The following NIBAN3 variants were observed in gnomAD, a reference collection of about 807,000 sequenced individuals.
The protein encoded by NIBAN3 is protein Niban 3.
Under a neutral mutation model 76.4 loss-of-function variants are expected in NIBAN3, and 66 were observed. The observed-to-expected ratio is 0.86, with a 90% CI of 0.71 to 1.06. NIBAN3 has a LOEUF of 1.06. Among genes scored for constraint, NIBAN3 ranks in the 50% least tolerant of loss-of-function variants. The pLI is 0.00. For synonymous variants in NIBAN3, 360 were observed against 355.2 expected, an observed-to-expected ratio of 1.01 and a Z score of -0.15; for missense variants, 808 against 810.7, an observed-to-expected ratio of 1.00 and a Z score of 0.04.
chr19:17,548,270 G>A (rs185754360), intron 13 of NIBAN3, among the ~76,000 whole-genome samples: 1 of 152,340 alleles, frequency 6.6e-6, no homozygotes, highest in African/African-American at 2.4e-5. Flanking sequence ...CGGGAGGCTG[G>A]AGGCTGCTGG....
chr19:17,543,301 G>A lies in NIBAN3; in HGVS notation c.1330-16G>A. The A allele has an allele frequency of 6.6e-7, 1 of 1,515,344 alleles. No individual in the cohort carries two copies. The allele number at this position is 1,515,344 out of a possible 1,614,324, so 93.9% of individuals were successfully genotyped here. ...GAGCACAGATTCTGGGGTCATCATA[G>A]CATCTCCTCCCACAGCTCATGGCTG... is the stretch of plus-strand genomic sequence containing the variant. On this transcript the variant is annotated splice_polypyrimidine_tract_variant and intron_variant, in intron 10 of 14. Coordinates refer to ENST00000599164, the MANE Select transcript of NIBAN3 (RefSeq NM_001321827.2).
chr19:17,535,838 A>G (rs1293044571), intron 4 of NIBAN3, among the ~76,000 whole-genome samples: 1 of 151,982 alleles, frequency 6.6e-6, no homozygotes, highest in Non-Finnish European at 1.5e-5. Context: ...TAGGAGTTTG[A>G]GGCCACCGTG....
At chr19:17,523,520 A>T, upstream of NIBAN3, 2 of 1,442,442 alleles carry the variant, frequency 1.4e-6, no homozygotes, top group Admixed American at 4.4e-5. Flanking sequence ...TGAGGGCAGG[A>T]GGCCGTGGCC....
Position 17,551,859 on chromosome 19 carries a change from ACT to A in NIBAN3, c.1827_1828del (p.Cys610ProfsTer72). Reference sequence around the variant, plus strand: ...CAGACTCTGGTGCCCAGATCCAGCCACTCTGCCCACCGCCTTCTCCAGGAACA... The same window carrying A: ...CAGACTCTGGTGCCCAGATCCAGCCACTGCCCACCGCCTTCTCCAGGAACA... ...QPDSGAQIQP[L>X]CPPPSPGTFR... On this transcript the variant is annotated frameshift_variant, in exon 15 of 15. Coordinates refer to ENST00000599164, the MANE Select transcript of NIBAN3 (RefSeq NM_001321827.2). LOFTEE classifies it high-confidence loss of function. The A allele has an allele frequency of 2.6e-6, 2 of 779,972 alleles. No individual in the cohort carries two copies. The highest frequency in any genetic ancestry group is 4.8e-6 in the Non-Finnish European group (2 of 417,356). 48.3% of individuals were successfully genotyped at this position (779,972 alleles called of 1,614,324 possible). A position where few individuals can be genotyped will look rare whatever the true frequency, so the allele number is the denominator to read the frequency against.
intron 4 of NIBAN3, among the ~76,000 whole-genome samples, chr19:17,535,480 C>T (rs1049270471): frequency 2.6e-5 from 4 of 151,160 alleles, no homozygotes; most frequent in African/African-American, 9.8e-5. Context: ...AAATAAAAAC[C>T]TGGGTGCGGT....
intron 1 of NIBAN3, among the ~76,000 whole-genome samples, chr19:17,529,825 C>A (rs1281306760): frequency 6.6e-6 from 1 of 152,072 alleles, no homozygotes; most frequent in African/African-American, 2.4e-5. Flanking sequence ...TTTGAGAAAC[C>A]AAGGTGGGAG....
rs761746237 is a variant in NIBAN3 at position 17,553,507 on chromosome 19, C to T, written c.*1609C>T. 1.2e-6 allele frequency: 2 copies of T among 1,614,226 alleles called. No individual in the cohort carries two copies. On this transcript the variant is annotated 3_prime_UTR_variant, in exon 15 of 15. Coordinates refer to ENST00000599164, the MANE Select transcript of NIBAN3 (RefSeq NM_001321827.2). Reference sequence around the variant, plus strand: ...GCTTGCAGAGGGACTTTCACACTCCCTGGAGACCGTTTCCTCCCATTCTGT... The same window carrying T: ...GCTTGCAGAGGGACTTTCACACTCCTTGGAGACCGTTTCCTCCCATTCTGT...
intron 13 of NIBAN3, 31 bp downstream of exon 13, chr19:17,546,828 G>C (rs2076064365): frequency 6.4e-7 from 1 of 1,566,376 alleles, no homozygotes; most frequent in Non-Finnish European, 8.7e-7. Context: ...GCTCAGAGGA[G>C]CCTGGCGTCC....
At chr19:17,540,002 G>C (rs886964356) in intron 8 of NIBAN3, among the ~76,000 whole-genome samples, 1 of 151,964 alleles carries the variant, frequency 6.6e-6, no homozygotes, top group Non-Finnish European at 1.5e-5. Context: ...AGTCTGTCCG[G>C]AGGAAACCAG....
At chr19:17,538,479 GT>G (rs2075866661) in intron 5 of NIBAN3, among the ~76,000 whole-genome samples, 1 of 151,122 alleles carries the variant, frequency 6.6e-6, no homozygotes, top group South Asian at 2.1e-4. Flanking sequence ...GTCAGGCACA[GT>G]GGCGTGGTGG....
intron 3 of NIBAN3, 153 bp from the exon 4 acceptor site, chr19:17,533,434 A>T: frequency 4.5e-6 from 2 of 446,730 alleles, no homozygotes; most frequent in Non-Finnish European, 3.8e-6. Flanking sequence ...AAAAAAAGAG[A>T]GAGGGAGGAA....
chr19:17,539,614 C>T lies in NIBAN3; in HGVS notation c.828C>T (p.Ala276=). Residue 276 remains alanine (A), a synonymous_variant, in exon 8 of 15, where the codon GCC becomes GCT. Coordinates refer to ENST00000599164, the MANE Select transcript of NIBAN3 (RefSeq NM_001321827.2). ...RAWAWTELLD[A]VHAAVLAGAS... ...ACCGGTCTGGGCAGCTTCTAGACGC[C>T]GTTCACGCAGCTGTCCTGGCCGGGG... The T allele has an allele frequency of 6.4e-7, 1 of 1,555,634 alleles. No individual in the cohort carries two copies. The highest frequency in any genetic ancestry group is 1.4e-5 in the African/African-American group (1 of 73,002).
chr19:17,533,168 G>T (rs2075761080), intron 3 of NIBAN3, among the ~76,000 whole-genome samples: 1 of 152,110 alleles, frequency 6.6e-6, no homozygotes. Context: ...CCAACACTTT[G>T]GGAGACCAAG....
chr19:17,539,732 CG>C lies in NIBAN3; in HGVS notation c.948del (p.Gln317SerfsTer9). 1 of 1,540,852 alleles carries C rather than the reference CG, an allele frequency of 6.5e-7. No homozygotes were observed. The highest frequency in any genetic ancestry group is 8.7e-7 in the Non-Finnish European group (1 of 1,144,940). On this transcript the variant is annotated frameshift_variant, in exon 8 of 15. Coordinates refer to ENST00000599164, the MANE Select transcript of NIBAN3 (RefSeq NM_001321827.2). LOFTEE classifies it high-confidence loss of function. The part of the protein sequence containing the change: ...TIRPDVDQLL[R>X]QRARVAGRLR... Reference sequence around the variant, plus strand: ...CCGCCCGGACGTGGACCAGCTGCTGCGGCAGCGGGCGCGTGTGGCGGGGCGG... The same window carrying C: ...CCGCCCGGACGTGGACCAGCTGCTGCGCAGCGGGCGCGTGTGGCGGGGCGG...
chr19:17,540,595 G>C lies in NIBAN3; in HGVS notation c.1170+13G>C. The C allele has an allele frequency of 2.0e-6, 3 of 1,467,894 alleles. No homozygotes were observed. Among genetic ancestry groups the C allele is most frequent in the Non-Finnish European group, 2.7e-6 (3 of 1,105,882 alleles). 90.9% of individuals were successfully genotyped at this position (1,467,894 alleles called of 1,614,324 possible). ...GCTGCGCAGGGAGGTGAGCTCCCGT[G>C]GGTAGGGGTTCAGTGAGCCAGAGGG... On this transcript the variant is annotated intron_variant, in intron 9 of 14. Transcript: ENST00000599164.
downstream of NIBAN3, chr19:17,553,984 C>G (rs1599770677): frequency 6.3e-6 from 1 of 159,084 alleles, no homozygotes; most frequent in Non-Finnish European, 1.4e-5. Context: ...GATTCTCCTG[C>G]CTCGGCCTCC....
In NIBAN3 at chr19:17,543,339, C is replaced by T. The variant is rs374603681; in HGVS notation, c.1352C>T (p.Thr451Ile). The T allele has an allele frequency of 5.1e-6, 8 of 1,573,810 alleles. No homozygotes were observed. The highest frequency in any genetic ancestry group is 1.8e-5 in the Admixed American group (1 of 56,752). ...CAGCTCATGGCTGACGCCGTGGCCA[C>T]CTTCCTGCAGCTGGCTGACCAGTGT... The part of the protein sequence containing the change: ...AQQLMADAVA[T>I]FLQLADQCLT... The change falls in exon 11 of 15, where the codon ACC becomes ATC. Residue 451 changes from threonine to isoleucine, a missense_variant. Thr to Ile is a moderately conservative substitution (Grantham distance 89). Coordinates refer to ENST00000599164, the MANE Select transcript of NIBAN3 (RefSeq NM_001321827.2).
chr19:17,532,213 G>A, intron 2 of NIBAN3, 50 bp from the exon 3 acceptor site: 1 of 1,566,366 alleles, frequency 6.4e-7, no homozygotes, highest in East Asian at 2.2e-5. Context: ...TCGGGCCACA[G>A]GGACATCAGC....
At chr19:17,533,488 T>G in intron 3 of NIBAN3, 99 bp from the exon 4 acceptor site, 1 of 733,342 alleles carries the variant, frequency 1.4e-6, no homozygotes, top group Non-Finnish European at 2.3e-6. Context: ...GGCAGAGGAT[T>G]TTTCAGCTCA....
Sources: gnomAD v4.1 joint callset for allele counts (sites outside exome capture counted in the v4.1 genomes callset) on GRCh38, gnomAD v4.1.1 for gene constraint, MANE v1.5 for transcripts, NCBI Gene and HGNC (gene_info 2026-07-23, HGNC 2026-07-21) for gene names.